The following PLSCR5 variants were observed in gnomAD, a reference collection of about 807,000 sequenced individuals.
PLSCR5 encodes phospholipid scramblase family, member 5.
PLSCR5 carries 44 observed loss-of-function variants against 33.6 expected under a neutral mutation model. The observed-to-expected ratio is 1.31, with a 90% CI of 1.03 to 1.69. PLSCR5 has a LOEUF of 1.69. Ranked by LOEUF, PLSCR5 falls within the 40% of genes most tolerant of loss-of-function variation. PLSCR5 has a pLI of 0.00. For synonymous variants in PLSCR5, 148 were observed against 112.3 expected, an observed-to-expected ratio of 1.32 and a Z score of -2.01; for missense variants, 375 against 318.7, an observed-to-expected ratio of 1.18 and a Z score of -1.34.
At chr3:146,589,555 T>G in intron 6 of PLSCR5, 98 bp downstream of exon 6, 2 of 1,153,352 alleles carry the variant, frequency 1.7e-6, no homozygotes, top group Non-Finnish European at 2.3e-6. Flanking sequence ...AATATACTCT[T>G]TGGGGGTAAA....
chr3:146,594,340 C>T (rs1438234450), intron 3 of PLSCR5, among the ~76,000 whole-genome samples, 200 bp from the exon 4 acceptor site: 1 of 151,896 alleles, frequency 6.6e-6, no homozygotes, highest in South Asian at 2.1e-4. Context: ...GAGAATAAAG[C>T]TATATAATTA....
intron 6 of PLSCR5, 99 bp downstream of exon 6, chr3:146,589,553 CT>C: frequency 8.7e-7 from 1 of 1,155,740 alleles, no homozygotes; most frequent in Non-Finnish European, 1.2e-6. Flanking sequence ...AAAATATACT[CT>C]TTGGGGGTAA....
intron 1 of PLSCR5, 94 bp from the exon 2 acceptor site, chr3:146,600,557 A>G (rs1376329187): frequency 8.7e-7 from 1 of 1,143,722 alleles, no homozygotes; most frequent in Non-Finnish European, 1.1e-6. Flanking sequence ...TTGATAGGAT[A>G]GTTTATCTCC....
intron 2 of PLSCR5, among the ~76,000 whole-genome samples, chr3:146,599,247 A>G (rs1027613723): frequency 2.6e-5 from 4 of 152,226 alleles, no homozygotes; most frequent in African/African-American, 9.6e-5. Flanking sequence ...TGACTAGAAC[A>G]GTGACTATAC....
At chr3:146,592,437 C>T (rs529881908) in intron 4 of PLSCR5, among the ~76,000 whole-genome samples, 2 of 152,162 alleles carry the variant, frequency 1.3e-5, no homozygotes, top group East Asian at 1.9e-4. Flanking sequence ...GTGTTCGAGA[C>T]TAGTAGTTGG....
rs192420843 is a variant in PLSCR5, at chr3:146,588,427, C to T, written c.777+1226G>A. ...CAGAGGTTGTGGTGAGCCAAGATTG[C>T]GCCACTGCACTCCAGCCTGGGTGAC... On this transcript the variant is annotated intron_variant, in intron 6 of 7. Coordinates refer to ENST00000443512, the MANE Select transcript of PLSCR5 (RefSeq NM_001085420.2). Among the ~76,000 whole-genome samples, 14 of 152,086 alleles carry T rather than the reference C, an allele frequency of 9.2e-5. 2 individuals carry two copies. The highest frequency in any genetic ancestry group is 2.4e-4 in the African/African-American group (10 of 41,506).
At chr3:146,598,456 T>C (rs2044781572) in intron 2 of PLSCR5, among the ~76,000 whole-genome samples, 1 of 152,206 alleles carries the variant, frequency 6.6e-6, no homozygotes, top group Non-Finnish European at 1.5e-5. Flanking sequence ...TATTCAACAA[T>C]TGGTGGCATA....
intron 1 of PLSCR5, among the ~76,000 whole-genome samples, chr3:146,604,928 T>C (rs1028907929): frequency 8.5e-5 from 13 of 152,180 alleles, no homozygotes; most frequent in African/African-American, 2.9e-4. Context: ...ATTCTAAACT[T>C]TGCTATGCAG....
At chr3:146,577,400 T>C (rs2044605499) in intron 7 of PLSCR5, among the ~76,000 whole-genome samples, 1 of 152,102 alleles carries the variant, frequency 6.6e-6, no homozygotes, top group South Asian at 2.1e-4. Context: ...AACATACAAA[T>C]GACCAAAAAT....
chr3:146,578,460 G>T (rs1422406506), intron 7 of PLSCR5, among the ~76,000 whole-genome samples: 1 of 148,980 alleles, frequency 6.7e-6, no homozygotes, highest in Non-Finnish European at 1.5e-5. Context: ...CTCTCCCCTA[G>T]TTTTTTGGCT....
At chr3:146,603,908 A>G (rs1165142169) in intron 1 of PLSCR5, among the ~76,000 whole-genome samples, 1 of 152,058 alleles carries the variant, frequency 6.6e-6, no homozygotes, top group African/African-American at 2.4e-5. Context: ...TTTCACATCT[A>G]TGTTTTACAA....
At chr3:146,593,799 A>G in intron 4 of PLSCR5, 121 bp downstream of exon 4, 1 of 897,416 alleles carries the variant, frequency 1.1e-6, no homozygotes, top group Non-Finnish European at 1.7e-6. Flanking sequence ...AAGGAGCAAC[A>G]TACTATTAAT....
At chr3:146,579,089 A>G (rs1181673862) in intron 7 of PLSCR5, among the ~76,000 whole-genome samples, 1 of 152,118 alleles carries the variant, frequency 6.6e-6, no homozygotes, top group Non-Finnish European at 1.5e-5. Context: ...GAACCACAAT[A>G]CATGTCACTA....
intron 6 of PLSCR5, among the ~76,000 whole-genome samples, chr3:146,587,999 C>T (rs990873101): frequency 2.6e-5 from 4 of 151,806 alleles, no homozygotes; most frequent in South Asian, 2.1e-4. Flanking sequence ...GTAAATAGGG[C>T]ATTAATGTAA....
At chr3:146,599,389 C>G (rs1217698508) in intron 2 of PLSCR5, among the ~76,000 whole-genome samples, 1 of 152,180 alleles carries the variant, frequency 6.6e-6, no homozygotes, top group East Asian at 1.9e-4. Context: ...ACATTGAACT[C>G]AGCTCATTGT....
At chr3:146,578,467 G>C (rs534504085) in intron 7 of PLSCR5, among the ~76,000 whole-genome samples, 2 of 144,788 alleles carry the variant, frequency 1.4e-5, no homozygotes, top group Non-Finnish European at 3.1e-5. Context: ...CTAGTTTTTT[G>C]GCTTCCCATT....
intron 2 of PLSCR5, among the ~76,000 whole-genome samples, chr3:146,595,415 C>T (rs141981627): frequency 3.0e-4 from 46 of 152,130 alleles, no homozygotes; most frequent in African/African-American, 9.9e-4. Context: ...CCCAGGAGTT[C>T]GAGACCAGTC....
intron 1 of PLSCR5, among the ~76,000 whole-genome samples, chr3:146,601,579 G>A (rs1249040833): frequency 6.6e-6 from 1 of 150,662 alleles, no homozygotes; most frequent in East Asian, 1.9e-4. Context: ...CAAAAGAGAG[G>A]GACAAGGAAA....
chr3:146,605,129 A>G, intron 1 of PLSCR5, 71 bp downstream of exon 1: 3 of 1,453,436 alleles, frequency 2.1e-6, no homozygotes, highest in South Asian at 2.5e-5. Flanking sequence ...ACTGGTTGTA[A>G]CACATCCACA....
Sources: allele counts gnomAD v4.1 joint callset (sites outside exome capture counted in the v4.1 genomes callset), GRCh38; gene constraint gnomAD v4.1.1; transcripts MANE v1.5; gene names NCBI Gene and HGNC (gene_info 2026-07-23, HGNC 2026-07-21).